Variants in USH2A observed in about 807,000 individuals in gnomAD.
The protein encoded by USH2A is Usher syndrome 2A (autosomal recessive, mild).
Under a neutral mutation model 538.9 loss-of-function variants are expected in USH2A, and 443 were observed. The ratio of observed to expected loss-of-function variants is 0.82; its 90% confidence interval spans 0.76 to 0.89. USH2A has a LOEUF of 0.89. USH2A is among the 40% of genes least tolerant of loss of function. The pLI, the probability that USH2A is intolerant of heterozygous loss-of-function variation, is 0.00. For synonymous variants in USH2A, 2,413 were observed against 2,273.5 expected, an observed-to-expected ratio of 1.06 and a Z score of -1.75; for missense variants, 6,633 against 6,324.8, an observed-to-expected ratio of 1.05 and a Z score of -1.65.
Position 215,634,333 on chromosome 1 carries a change from A to C in USH2A, c.15297+126T>G. 5 of 1,496,406 alleles carry C rather than the reference A, an allele frequency of 3.3e-6. No homozygotes were observed. In the South Asian group the frequency reaches 5.7e-5, roughly 17 times the overall value. 92.7% of individuals were successfully genotyped at this position (1,496,406 alleles called of 1,614,324 possible). On this transcript the variant is annotated intron_variant, in intron 70 of 71. Transcript: ENST00000307340. ...CTAGGGTTAGCCTCTCTTGGTCCCC[A>C]CACTTAGTGAAACATAACTTACATC...
chr1:215,836,165 C>T (rs968393564), intron 47 of USH2A, among the ~76,000 whole-genome samples: 6 of 151,706 alleles, frequency 4.0e-5, no homozygotes, highest in African/African-American at 1.5e-4. Flanking sequence ...GGGATGCCAG[C>T]AGACAAGAAT....
chr1:216,193,974 T>G (rs2034778480), intron 19 of USH2A: 1 of 152,240 alleles, frequency 6.6e-6, no homozygotes, highest in Non-Finnish European at 1.5e-5. Flanking sequence ...CCGCTGAGGC[T>G]GCTTCCACTA....
intron 5 of USH2A, 43 bp from the exon 6 acceptor site, chr1:216,325,642 C>G: frequency 6.3e-7 from 1 of 1,590,222 alleles, no homozygotes. Flanking sequence ...AAGAGCTTAA[C>G]AGTAATAGAA....
At chr1:216,348,861 T>C (rs2038226051) in intron 4 of USH2A, among the ~76,000 whole-genome samples, 1 of 152,080 alleles carries the variant, frequency 6.6e-6, no homozygotes, top group African/African-American at 2.4e-5. Context: ...CTGACTACTA[T>C]TCAAAAAAAA....
At chr1:216,218,651 T>C (rs1421588721) in intron 14 of USH2A, among the ~76,000 whole-genome samples, 1 of 152,084 alleles carries the variant, frequency 6.6e-6, no homozygotes, top group Non-Finnish European at 1.5e-5. Flanking sequence ...AATATCCCCT[T>C]GGGAATAAAT....
intron 30 of USH2A, among the ~76,000 whole-genome samples, chr1:216,053,994 C>G (rs183566119): frequency 6.6e-5 from 10 of 152,282 alleles, no homozygotes; most frequent in Admixed American, 2.0e-4. Flanking sequence ...TTCCACTTAA[C>G]AGAGGGGAAG....
chr1:215,815,705 G>T (rs1662842741), intron 48 of USH2A, among the ~76,000 whole-genome samples: 1 of 151,780 alleles, frequency 6.6e-6, no homozygotes, highest in East Asian at 1.9e-4. Flanking sequence ...CCTATCTCAG[G>T]TATATTCTAA....
rs1213686461 is a variant in USH2A, at chr1:215,647,618, G to A, written c.14695C>T (p.Leu4899Phe). ...GLGQKASLGG[L>F]QPYTTYKLRV... is the part of the protein sequence containing the mutation. ...AGCTTGTATGTGGTGTAGGGCTGGAGACCCCCAAGGCTGGCTTTCTGCCCC... is the reference window on the plus strand; with the variant it reads ...AGCTTGTATGTGGTGTAGGGCTGGAAACCCCCAAGGCTGGCTTTCTGCCCC... The change falls in exon 67 of 72, where the codon CTC becomes TTC. Residue 4899 changes from leucine to phenylalanine, a missense_variant. Leu to Phe is a conservative substitution (Grantham distance 22). Transcript: ENST00000307340. The A allele has an allele frequency of 7.4e-6, 12 of 1,614,116 alleles. No homozygotes were observed. The highest frequency in any genetic ancestry group is 1.3e-5 in the African/African-American group (1 of 75,022).
At chr1:216,041,840 A>C (rs2030290327) in intron 32 of USH2A, among the ~76,000 whole-genome samples, 1 of 151,394 alleles carries the variant, frequency 6.6e-6, no homozygotes, top group Admixed American at 6.6e-5. Context: ...ATTAAAATAA[A>C]ATAACTTTTT....
chr1:216,338,904 T>A (rs2038023942), intron 4 of USH2A, among the ~76,000 whole-genome samples: 1 of 151,616 alleles, frequency 6.6e-6, no homozygotes, highest in Non-Finnish European at 1.5e-5. Flanking sequence ...CAAATGGGTA[T>A]TTTACCTGTT....
chr1:215,665,814 A>G (rs1443284243), intron 64 of USH2A, among the ~76,000 whole-genome samples: 1 of 152,238 alleles, frequency 6.6e-6, no homozygotes, highest in Non-Finnish European at 1.5e-5. Context: ...TCTGTAGCAC[A>G]AGCAAGACTG....
intron 52 of USH2A, among the ~76,000 whole-genome samples, chr1:215,783,637 A>G (rs1661710378): frequency 6.6e-6 from 1 of 152,262 alleles, no homozygotes; most frequent in South Asian, 2.1e-4. Flanking sequence ...AGTTCCATTT[A>G]GGCTTTAATA....
At chr1:215,762,714 T>C (rs1661015178) in intron 56 of USH2A, among the ~76,000 whole-genome samples, 1 of 152,134 alleles carries the variant, frequency 6.6e-6, no homozygotes, top group Admixed American at 6.6e-5. Context: ...ACCATGTAAC[T>C]CTGGCCTAAG....
intron 4 of USH2A, among the ~76,000 whole-genome samples, chr1:216,331,141 C>A (rs1308989291): frequency 6.6e-6 from 1 of 152,052 alleles, no homozygotes. Flanking sequence ...TAATGTGAAT[C>A]ATCCATCCCA....
Position 215,794,817 on chromosome 1 carries a change from C to T in USH2A, c.9958+4090G>A, listed in dbSNP as rs557950545. Among the ~76,000 whole-genome samples, 3 of 152,176 alleles carry T rather than the reference C, an allele frequency of 2.0e-5. No homozygotes were observed. In the East Asian group the frequency reaches 5.8e-4, roughly 29 times the overall value. On this transcript the variant is annotated intron_variant, in intron 50 of 71. Coordinates refer to ENST00000307340, the MANE Select transcript of USH2A (RefSeq NM_206933.4). ...TCTTGGAGTAAATAAAGAAGTGATT[C>T]TGAAATTTGAGTTCATGGATGGAGT...
At chr1:216,346,575 G>T (rs2038179462) in intron 4 of USH2A, among the ~76,000 whole-genome samples, 1 of 152,028 alleles carries the variant, frequency 6.6e-6, no homozygotes, top group Admixed American at 6.6e-5. Flanking sequence ...GATCAGAGAA[G>T]CATGCTCTTG....
chr1:215,652,819 CG>C (rs1340016793), intron 64 of USH2A, among the ~76,000 whole-genome samples: 1 of 152,158 alleles, frequency 6.6e-6, no homozygotes, highest in African/African-American at 2.4e-5. Flanking sequence ...ATTGATATGA[CG>C]TTTTTTGCCA....
chr1:216,158,776 T>C (rs1230000062), intron 21 of USH2A, among the ~76,000 whole-genome samples: 1 of 152,196 alleles, frequency 6.6e-6, no homozygotes, highest in African/African-American at 2.4e-5. Flanking sequence ...AGAGGGACTA[T>C]ATGGATTCTA....
intron 50 of USH2A, among the ~76,000 whole-genome samples, chr1:215,790,560 G>A (rs1036231237): frequency 6.6e-6 from 1 of 152,178 alleles, no homozygotes; most frequent in East Asian, 1.9e-4. Flanking sequence ...AAAGAGATAG[G>A]ATTTCTGTCA....
Sources: allele counts gnomAD v4.1 joint callset (sites outside exome capture counted in the v4.1 genomes callset), GRCh38; gene constraint gnomAD v4.1.1; transcripts MANE v1.5; gene names NCBI Gene and HGNC (gene_info 2026-07-23, HGNC 2026-07-21).